SYCP2: variants seen among roughly 807,000 people sequenced by gnomAD.
The protein encoded by SYCP2 is synaptonemal complex lateral element protein.
SYCP2 carries 55 observed loss-of-function variants against 211.3 expected under a neutral mutation model. That is an observed-to-expected ratio of 0.26 (90% CI 0.21 to 0.33). The LOEUF (loss-of-function observed/expected upper bound fraction) is 0.33, where lower values mean the gene tolerates loss of function less well. Ranked by LOEUF, SYCP2 falls within the 10% of genes least tolerant of loss-of-function variation. SYCP2 has a pLI of 1.00. For synonymous variants in SYCP2, 570 were observed against 555.2 expected (o/e 1.03, Z -0.37); for missense variants, 1,731 against 1,752.0 (o/e 0.99, Z 0.21).
chr20:59,914,626 T>C (rs987414220), intron 10 of SYCP2, among the ~76,000 whole-genome samples: 7 of 152,082 alleles, frequency 4.6e-5, no homozygotes, highest in African/African-American at 1.7e-4. Flanking sequence ...CCCAGAGTAC[T>C]TTAAACCATG....
At chr20:59,903,385 G>T (rs2060153546) in intron 15 of SYCP2, among the ~76,000 whole-genome samples, 1 of 152,076 alleles carries the variant, frequency 6.6e-6, no homozygotes, top group Admixed American at 6.6e-5. Flanking sequence ...CTCAAAATTA[G>T]CTATGAATGG....
chr20:59,871,300 A>G (rs1395659362), intron 35 of SYCP2, among the ~76,000 whole-genome samples: 1 of 151,988 alleles, frequency 6.6e-6, no homozygotes, highest in East Asian at 1.9e-4. Context: ...CAGACTGGCA[A>G]AAACAGAAAC....
rs748629194 is a variant in SYCP2 at position 59,900,335 on chromosome 20, G to C, written c.1258-51C>G. On this transcript the variant is annotated intron_variant, in intron 17 of 44. Coordinates refer to ENST00000357552, the MANE Select transcript of SYCP2 (RefSeq NM_014258.4). ...TATTTAAAACTGCAAACCACAGAAA[G>C]TAATCAACAATCACTGGATGTCTTA... is the stretch of plus-strand genomic sequence containing the variant. 10 of 1,461,708 alleles carry C rather than the reference G, an allele frequency of 6.8e-6. No individual in the cohort carries two copies. In the South Asian group the frequency reaches 1.1e-4, roughly 16 times the overall value. 90.5% of individuals were successfully genotyped at this position (1,461,708 alleles called of 1,614,324 possible).
chr20:59,875,503 A>C, intron 33 of SYCP2, 34 bp from the exon 34 acceptor site: 1 of 1,516,668 alleles, frequency 6.6e-7, no homozygotes, highest in East Asian at 2.3e-5. Flanking sequence ...ATTATACTCA[A>C]GTACAAATAT....
At chr20:59,894,834 T>C (rs1043137268) in intron 20 of SYCP2, among the ~76,000 whole-genome samples, 40 of 152,066 alleles carry the variant, frequency 2.6e-4, no homozygotes, top group African/African-American at 8.7e-4. Context: ...TTCTCTCTTA[T>C]CCATTCCTGC....
Position 59,922,426 on chromosome 20 carries a change from T to TA in SYCP2, c.-14dup, listed in dbSNP as rs376461462. The TA allele has an allele frequency of 0.015, 21,926 of 1,417,910 alleles. No individual in the cohort carries two copies. The highest frequency in any genetic ancestry group is 0.017 in the Non-Finnish European group (18,024 of 1,052,024). 87.8% of individuals were successfully genotyped at this position (1,417,910 alleles called of 1,614,324 possible). A position where few individuals can be genotyped will look rare whatever the true frequency, so the allele number is the denominator to read the frequency against. On this transcript the variant is annotated 5_prime_UTR_variant, in exon 3 of 45. Transcript: ENST00000357552. Reference sequence around the variant, plus strand: ...GTCTTATTGGCATTTTGACTTCATTTAAAAAAAAAAAAAAAGCAAGACAAA... The same window carrying TA: ...GTCTTATTGGCATTTTGACTTCATTTAAAAAAAAAAAAAAAAGCAAGACAAA...
At chr20:59,883,400 T>C (rs1372738807) in intron 26 of SYCP2, among the ~76,000 whole-genome samples, 2 of 152,028 alleles carry the variant, frequency 1.3e-5, no homozygotes, top group Non-Finnish European at 2.9e-5. Context: ...CTATGTTCAT[T>C]GCAGTAGTAT....
chr20:59,918,275 G>C (rs1198144262), intron 7 of SYCP2, among the ~76,000 whole-genome samples: 1 of 152,144 alleles, frequency 6.6e-6, no homozygotes, highest in African/African-American at 2.4e-5. Context: ...ATAAAATTAT[G>C]CTTGCATCAT....
intron 35 of SYCP2, among the ~76,000 whole-genome samples, chr20:59,873,104 T>C (rs578192215): frequency 1.4e-4 from 22 of 152,244 alleles, no homozygotes; most frequent in African/African-American, 5.3e-4. Context: ...TATTATACTA[T>C]GCACAGATTT....
chr20:59,877,250 AATT>A, intron 33 of SYCP2, 132 bp downstream of exon 33: 6 of 702,296 alleles, frequency 8.5e-6, no homozygotes, highest in Non-Finnish European at 1.0e-5. Context: ...AAATTTCTAG[AATT>A]ATTATTTAAG....
intron 24 of SYCP2, among the ~76,000 whole-genome samples, chr20:59,891,148 C>T (rs1568938463): frequency 6.6e-6 from 1 of 151,866 alleles, no homozygotes; most frequent in African/African-American, 2.4e-5. Flanking sequence ...TACATTGACT[C>T]TAGAAATTTG....
In SYCP2 at chr20:59,867,697, AAAG is replaced by A. The variant is rs1233780172; in HGVS notation, c.4125+11_4125+13del. ...TATTATTGGGTATAAATCATAATTT[AAAG>A]AATAACTCACATTATTCCTTCTCTT... On this transcript the variant is annotated intron_variant, in intron 39 of 44. Transcript: ENST00000357552. The A allele has an allele frequency of 6.3e-7, 1 of 1,596,712 alleles. No homozygotes were observed. Among genetic ancestry groups the A allele is most frequent in the Admixed American group, 1.7e-5 (1 of 59,270 alleles).
chr20:59,904,213 G>T (rs11086687), intron 15 of SYCP2, among the ~76,000 whole-genome samples: 1 of 152,092 alleles, frequency 6.6e-6, no homozygotes, highest in Non-Finnish European at 1.5e-5. Context: ...TAGTCTCATG[G>T]GCTTGGAATC....
At chr20:59,877,112 T>G (rs2059575801) in intron 33 of SYCP2, among the ~76,000 whole-genome samples, 1 of 152,150 alleles carries the variant, frequency 6.6e-6, no homozygotes, top group Non-Finnish European at 1.5e-5. Flanking sequence ...AGCCTAATTT[T>G]AGAAGATTAA....
At chr20:59,927,853 C>G (rs1418485457) in intron 2 of SYCP2, among the ~76,000 whole-genome samples, 1 of 152,134 alleles carries the variant, frequency 6.6e-6, no homozygotes, top group African/African-American at 2.4e-5. Flanking sequence ...AGAGGAGTTT[C>G]ATGTTGTTTT....
intron 2 of SYCP2, among the ~76,000 whole-genome samples, chr20:59,926,839 GC>G (rs2145902518): frequency 6.6e-6 from 1 of 152,258 alleles, no homozygotes; most frequent in South Asian, 2.1e-4. Context: ...TGCACATAAG[GC>G]AGCAATGCCA....
At chr20:59,888,655 A>G (rs1419380857) in intron 24 of SYCP2, among the ~76,000 whole-genome samples, 5 of 152,064 alleles carry the variant, frequency 3.3e-5, no homozygotes, top group East Asian at 3.9e-4. Flanking sequence ...AGCTAATGCA[A>G]TAAGACAGAA....
chr20:59,922,544 C>T (rs1342316729), intron 2 of SYCP2, 85 bp from the exon 3 acceptor site: 1 of 581,652 alleles, frequency 1.7e-6, no homozygotes, highest in African/African-American at 1.9e-5. Flanking sequence ...CATAAATATG[C>T]ATTTGTTATT....
intron 26 of SYCP2, among the ~76,000 whole-genome samples, chr20:59,882,879 T>C (rs1377820601): frequency 6.6e-6 from 1 of 152,190 alleles, no homozygotes; most frequent in Admixed American, 6.6e-5. Flanking sequence ...TTTATATGTA[T>C]ATTTTACCTC....
Sources: gnomAD v4.1 joint callset for allele counts (sites outside exome capture counted in the v4.1 genomes callset) on GRCh38, gnomAD v4.1.1 for gene constraint, MANE v1.5 for transcripts, NCBI Gene and HGNC (gene_info 2026-07-23, HGNC 2026-07-21) for gene names.